The following NHSL1 variants were observed in gnomAD, a reference collection of about 807,000 sequenced individuals.
NHSL1 encodes NHS like 1, also known as NHS-like protein 1.
A neutral mutation model predicts 95.0 loss-of-function variants in NHSL1; 48 were observed. The ratio of observed to expected loss-of-function variants is 0.51; its 90% CI spans 0.40 to 0.64. The LOEUF (loss-of-function observed/expected upper bound fraction) is 0.64. Among genes scored for constraint, NHSL1 ranks in the 30% least tolerant of loss-of-function variants. NHSL1 has a pLI of 0.00. For synonymous variants in NHSL1, 783 were observed against 833.9 expected (o/e 0.94, Z 1.05); for missense variants, 1,971 against 2,077.7 (o/e 0.95, Z 1.00).
intron 1 of NHSL1, among the ~76,000 whole-genome samples, chr6:138,507,260 T>G (rs900985112): frequency 1.3e-5 from 2 of 152,192 alleles, no homozygotes; most frequent in African/African-American, 4.8e-5. Context: ...ATCAAAGTTT[T>G]TTTTGACAGG....
At chr6:138,566,482 A>T (rs1783622621) in intron 1 of NHSL1, among the ~76,000 whole-genome samples, 1 of 152,136 alleles carries the variant, frequency 6.6e-6, no homozygotes, top group African/African-American at 2.4e-5. Context: ...TCCATAACTT[A>T]GCAAAGACAT....
chr6:138,536,929 G>C (rs1286149358), intron 1 of NHSL1, among the ~76,000 whole-genome samples: 1 of 152,124 alleles, frequency 6.6e-6, no homozygotes, highest in Non-Finnish European at 1.5e-5. Context: ...GCCAATTACT[G>C]ACAGAAGAAG....
intron 3 of NHSL1, among the ~76,000 whole-genome samples, chr6:138,450,065 ACAAT>A (rs1355469930): frequency 6.6e-6 from 1 of 152,222 alleles, no homozygotes; most frequent in Admixed American, 6.5e-5. Flanking sequence ...ATCCTTAAAG[ACAAT>A]CAAAGGAATT....
At chr6:138,630,895 A>G (rs1241134676) in intron 1 of NHSL1, among the ~76,000 whole-genome samples, 2 of 152,222 alleles carry the variant, frequency 1.3e-5, no homozygotes, top group African/African-American at 4.8e-5. Context: ...AAGCAACTTC[A>G]TAAGAACCAA....
intron 1 of NHSL1, among the ~76,000 whole-genome samples, chr6:138,619,091 A>T (rs1784619387): frequency 6.6e-6 from 1 of 152,084 alleles, no homozygotes; most frequent in South Asian, 2.1e-4. Context: ...TAATCCCAGC[A>T]CTCTGGAAGG....
chr6:138,677,279 G>A (rs562589551), intron 1 of NHSL1, among the ~76,000 whole-genome samples: 103 of 152,212 alleles, frequency 6.8e-4, no homozygotes, highest in African/African-American at 2.3e-3. Flanking sequence ...AGGGTTTTAT[G>A]CAATGAGTAT....
At chr6:138,521,225 C>T (rs1290791935) in intron 1 of NHSL1, among the ~76,000 whole-genome samples, 3 of 152,158 alleles carry the variant, frequency 2.0e-5, no homozygotes, top group Non-Finnish European at 2.9e-5. Context: ...CCAGGCCAGG[C>T]GTGGTGGCTC....
intron 1 of NHSL1, among the ~76,000 whole-genome samples, chr6:138,560,509 T>C (rs1783371711): frequency 6.6e-6 from 1 of 152,176 alleles, no homozygotes; most frequent in South Asian, 2.1e-4. Context: ...CTTTTTATAA[T>C]GGGAATAGAG....
intron 1 of NHSL1, among the ~76,000 whole-genome samples, chr6:138,563,790 A>C (rs1005476632): frequency 6.6e-6 from 1 of 152,104 alleles, no homozygotes; most frequent in Non-Finnish European, 1.5e-5. Context: ...TAGCTATTCA[A>C]CTCCCTGGAG....
chr6:138,431,156 G>C lies in NHSL1; in HGVS notation c.3189C>G (p.Pro1063=). 6.4e-7 allele frequency: 1 copy of C among 1,551,496 alleles called. No individual in the cohort carries two copies. The highest frequency in any genetic ancestry group is 8.7e-7 in the Non-Finnish European group (1 of 1,146,842). Residue 1063 remains proline, a synonymous_variant, in exon 6 of 8, where the codon CCC becomes CCG. Transcript: ENST00000343505. The surrounding 1 kb of genome is among the most constrained non-coding windows in gnomAD (Gnocchi z 4.0). ...PPSTKEETSR[P]PMPLITTEAL... is the part of the protein sequence containing the mutation. Reference sequence around the variant, plus strand: ...CTTCCGTGGTTATCAGGGGCATGGGGGGCCTGCTGGTCTCCTCCTTGGTAG... The same window carrying C: ...CTTCCGTGGTTATCAGGGGCATGGGCGGCCTGCTGGTCTCCTCCTTGGTAG...
chr6:138,684,720 A>ACAGAAGCTCCAGCTCTTCTACCTTGCC (rs1785561972), intron 1 of NHSL1, among the ~76,000 whole-genome samples: 1 of 152,178 alleles, frequency 6.6e-6, no homozygotes, highest in Admixed American at 6.5e-5. Flanking sequence ...TCAGTCAAAC[A>ACAGAAGCTCCAGCTCTTCTACCTTGCC]CAGAAGCTCC....
At chr6:138,520,446 C>T (rs1472935893) in intron 1 of NHSL1, among the ~76,000 whole-genome samples, 1 of 151,926 alleles carries the variant, frequency 6.6e-6, no homozygotes, top group Admixed American at 6.6e-5. Flanking sequence ...TGTGCCACCA[C>T]ACCCAGCTAA....
chr6:138,511,895 G>A (rs984973373), intron 1 of NHSL1, among the ~76,000 whole-genome samples: 21 of 152,160 alleles, frequency 1.4e-4, no homozygotes, highest in East Asian at 1.9e-4. Flanking sequence ...GCAATAGAGC[G>A]AGATCCTGTC....
chr6:138,651,599 G>A (rs1583466658), intron 1 of NHSL1, among the ~76,000 whole-genome samples: 1 of 152,194 alleles, frequency 6.6e-6, no homozygotes, highest in Non-Finnish European at 1.5e-5. Flanking sequence ...TGTTTTCCAA[G>A]AGGAAGGGAA....
chr6:138,517,199 G>A (rs79980050), intron 1 of NHSL1, among the ~76,000 whole-genome samples: 5,263 of 152,232 alleles, frequency 0.035, 92 homozygotes, highest in Middle Eastern at 0.068. Context: ...GTAGGATACT[G>A]TCACATTCTG....
At chr6:138,522,776 A>G (rs1781738667) in intron 1 of NHSL1, among the ~76,000 whole-genome samples, 1 of 152,036 alleles carries the variant, frequency 6.6e-6, no homozygotes, top group Admixed American at 6.6e-5. Context: ...GTGCCACTGC[A>G]CTCCAGCCTG....
intron 2 of NHSL1, among the ~76,000 whole-genome samples, chr6:138,484,261 G>A (rs534419170): frequency 3.3e-4 from 51 of 152,276 alleles, no homozygotes; most frequent in African/African-American, 8.4e-4. Flanking sequence ...AAAGCTTGCA[G>A]GCAAGTGTAG....
At chr6:138,597,484 A>G (rs1295023974) in intron 1 of NHSL1, among the ~76,000 whole-genome samples, 1 of 152,210 alleles carries the variant, frequency 6.6e-6, no homozygotes, top group Non-Finnish European at 1.5e-5. Flanking sequence ...ACATCACCAT[A>G]CACGCCTCAC....
intron 1 of NHSL1, among the ~76,000 whole-genome samples, chr6:138,541,896 T>A (rs747289827): frequency 6.6e-6 from 1 of 152,226 alleles, no homozygotes; most frequent in Non-Finnish European, 1.5e-5. Flanking sequence ...GATATCATTC[T>A]TACAGTTTTC....
Sources: gnomAD v4.1 joint callset for allele counts (sites outside exome capture counted in the v4.1 genomes callset) on GRCh38, gnomAD v4.1.1 for gene constraint, Gnocchi (gnomAD v3.1) non-coding constraint, MANE v1.5 for transcripts, NCBI Gene and HGNC (gene_info 2026-07-23, HGNC 2026-07-21) for gene names.